The following RPS15A variants were observed in gnomAD, a reference collection of about 807,000 sequenced individuals.
The protein encoded by RPS15A is small ribosomal subunit protein uS8.
For synonymous variants in RPS15A, 55 were observed against 58.5 expected, an observed-to-expected ratio of 0.94 and a Z score of 0.27; for missense variants, 62 against 163.4, an observed-to-expected ratio of 0.38 and a Z score of 3.38.
chr16:18,784,635 C>T (rs1180199998), intron 4 of RPS15A, 103 bp downstream of exon 4: 1 of 832,632 alleles, frequency 1.2e-6, no homozygotes, highest in Non-Finnish European at 1.9e-6. Flanking sequence ...CAAATTACCA[C>T]TGCTTTGTTT....
At chr16:18,785,130 T>C (rs1036295839) in intron 3 of RPS15A, 9 of 255,082 alleles carry the variant, frequency 3.5e-5, no homozygotes, top group Non-Finnish European at 5.9e-5. Flanking sequence ...AGATTTTACA[T>C]AGCCTAGAGA....
At position 18,782,243 on chromosome 16, in the gene RPS15A, C is replaced by T. The variant is rs1343608153; in HGVS notation, c.*766G>A. 1 of 114,468 alleles carries T rather than the reference C, an allele frequency of 8.7e-6. No homozygotes were observed. Among genetic ancestry groups the T allele is most frequent in the Non-Finnish European group, 1.8e-5 (1 of 54,980 alleles). 7.1% of individuals were successfully genotyped at this position (114,468 alleles called of 1,614,324 possible). A position where few individuals can be genotyped will look rare whatever the true frequency, so the allele number is the denominator to read the frequency against. On this transcript the variant is annotated 3_prime_UTR_variant, in exon 5 of 5. Coordinates refer to ENST00000322989, the MANE Select transcript of RPS15A (RefSeq NM_001019.5). ...ATCTGGGAAGCGGAGGTGCAGTGAG[C>T]CAAGATCATGCCACTGCACTCCAGC...
rs2029961096 is a variant in RPS15A at position 18,789,054 on chromosome 16, T to C, written c.60A>G (p.Arg20=). 1 of 1,614,148 alleles carries C rather than the reference T, an allele frequency of 6.2e-7. No individual in the cohort carries two copies. Among genetic ancestry groups the C allele is most frequent in the African/African-American group, 1.3e-5 (1 of 75,054 alleles). ...GCCTAATAAGCACCTGGCGTTTGCCTCTCTTTTCGGCATTGTTGATACTCT... is the reference window on the plus strand; with the variant it reads ...GCCTAATAAGCACCTGGCGTTTGCCCCTCTTTTCGGCATTGTTGATACTCT... ...ALKSINNAEK[R]GKRQVLIRPC... Residue 20 remains arginine (R), a synonymous_variant, in exon 2 of 5, where the codon AGA becomes AGG. Transcript: ENST00000322989.
chr16:18,786,138 G>A (rs1383436636), intron 3 of RPS15A: 3 of 160,232 alleles, frequency 1.9e-5, no homozygotes, highest in Non-Finnish European at 1.4e-5. Flanking sequence ...GCCAGGCGCG[G>A]TGGATCACCT....
At chr16:18,783,850 T>C (rs1002044306) in intron 4 of RPS15A, 3 of 381,922 alleles carry the variant, frequency 7.9e-6, no homozygotes, top group African/African-American at 4.2e-5. Context: ...CAAGATCTCA[T>C]GGCTTTAAAG....
chr16:18,788,041 T>C, intron 3 of RPS15A, 22 bp downstream of exon 3: 3 of 1,487,824 alleles, frequency 2.0e-6, no homozygotes, highest in Admixed American at 3.3e-5. Flanking sequence ...AGCTTTGAAA[T>C]GTGTAGATCA....
At chr16:18,788,009 C>T (rs374234575) in intron 3 of RPS15A, 54 bp downstream of exon 3, 15 of 1,068,286 alleles carry the variant, frequency 1.4e-5, no homozygotes, top group African/African-American at 1.1e-4. Flanking sequence ...CAACATTTAA[C>T]GCCACAGTAA....
At chr16:18,784,705 T>C in intron 4 of RPS15A, 33 bp downstream of exon 4, 5 of 1,504,762 alleles carry the variant, frequency 3.3e-6, no homozygotes, top group South Asian at 1.2e-5. Flanking sequence ...TTCTTAGCAT[T>C]AACTTCTTTT....
intron 3 of RPS15A, chr16:18,785,720 T>G (rs1284429320): frequency 6.6e-6 from 1 of 152,210 alleles, no homozygotes; most frequent in Non-Finnish European, 1.5e-5. Flanking sequence ...ATGCTGTGAC[T>G]TGACTAACAA....
intron 3 of RPS15A, chr16:18,785,534 C>T (rs1389682466): frequency 1.3e-5 from 2 of 152,216 alleles, no homozygotes; most frequent in African/African-American, 2.4e-5. Context: ...TAACTGATGT[C>T]CACTAACTGA....
At chr16:18,789,492 A>G (rs1314616636) in intron 1 of RPS15A, among the ~76,000 whole-genome samples, 1 of 152,276 alleles carries the variant, frequency 6.6e-6, no homozygotes, top group Non-Finnish European at 1.5e-5. Flanking sequence ...GGTATAGTCG[A>G]TCAGTGATTC....
intron 1 of RPS15A, among the ~76,000 whole-genome samples, chr16:18,789,467 G>A (rs943315787): frequency 6.6e-6 from 1 of 152,210 alleles, no homozygotes; most frequent in East Asian, 1.9e-4. Context: ...GCCAGCTACC[G>A]GAAGGAAAAC....
chr16:18,788,222 T>G, intron 2 of RPS15A, 80 bp from the exon 3 acceptor site: 1 of 886,560 alleles, frequency 1.1e-6, no homozygotes, highest in Non-Finnish European at 1.9e-6. Context: ...TACTCAATTC[T>G]TCACTCTCCC....
chr16:18,787,330 C>A (rs1288745678), intron 3 of RPS15A, among the ~76,000 whole-genome samples: 2 of 152,202 alleles, frequency 1.3e-5, no homozygotes, highest in Non-Finnish European at 2.9e-5. Context: ...CCCTCTTTTC[C>A]ATTTATCACT....
Position 18,789,106 on chromosome 16 carries a change from C to T in RPS15A, c.8G>A (p.Arg3His). The T allele has an allele frequency of 6.2e-7, 1 of 1,612,770 alleles. No individual in the cohort carries two copies. The highest frequency in any genetic ancestry group is 8.5e-7 in the Non-Finnish European group (1 of 1,179,508). The change falls in exon 2 of 5, where the codon CGC becomes CAC. Residue 3 changes from arginine (R) to histidine (H), a missense_variant. By Grantham distance (29) the Arg-to-His change is conservative (BLOSUM62 0). Coordinates refer to ENST00000322989, the MANE Select transcript of RPS15A (RefSeq NM_001019.5). ...GAGAGCATCTGCCAGGACATTCATGCGCACCATTGTGGCTGTTCAAGGAAG... is the reference window on the plus strand; with the variant it reads ...GAGAGCATCTGCCAGGACATTCATGTGCACCATTGTGGCTGTTCAAGGAAG... Reference protein sequence around the residue: MVRMNVLADALKS... With the variant: MVHMNVLADALKS...
Position 18,788,057 on chromosome 16 carries a change from T to C in RPS15A, c.213+6A>G. 6.5e-7 allele frequency: 1 copy of C among 1,534,526 alleles called. No individual in the cohort carries two copies. The highest frequency in any genetic ancestry group is 8.9e-7 in the Non-Finnish European group (1 of 1,127,326). ...GCTTTGAAATGTGTAGATCACTCGTTCTTACCTTGTTTAGCCTGCCTGTGA... is the reference window on the plus strand; with the variant it reads ...GCTTTGAAATGTGTAGATCACTCGTCCTTACCTTGTTTAGCCTGCCTGTGA... On this transcript the variant is annotated splice_donor_region_variant and intron_variant, in intron 3 of 4. Transcript: ENST00000322989.
At chr16:18,783,202 T>C in intron 4 of RPS15A, 100 bp from the exon 5 acceptor site, 1 of 735,180 alleles carries the variant, frequency 1.4e-6, no homozygotes, top group South Asian at 1.6e-5. Flanking sequence ...TAAGGGCGCT[T>C]TCCTGTGGGG....
intron 4 of RPS15A, 96 bp from the exon 5 acceptor site, chr16:18,783,198 C>T (rs747795762): frequency 2.8e-5 from 22 of 783,280 alleles, no homozygotes; most frequent in Admixed American, 1.6e-4. Flanking sequence ...TGGTTAAGGG[C>T]GCTTTCCTGT....
In RPS15A at chr16:18,783,205, C is replaced by G. The variant is rs2059213287; in HGVS notation, c.300-103G>C. The stretch of plus-strand genomic sequence containing the variant: ...CTCATCAGTGGTTAAGGGCGCTTTC[C>G]TGTGGGGCACATAGGAACTGACAGT... On this transcript the variant is annotated intron_variant, in intron 4 of 4. Transcript: ENST00000322989. 45 of 714,406 alleles carry G rather than the reference C, an allele frequency of 6.3e-5. No homozygotes were observed. In the South Asian group the frequency reaches 7.4e-4, roughly 12 times the overall value. 44.3% of individuals were successfully genotyped at this position (714,406 alleles called of 1,614,324 possible). A position where few individuals can be genotyped will look rare whatever the true frequency, so the allele number is the denominator to read the frequency against.
Sources: gnomAD v4.1 joint callset for allele counts (sites outside exome capture counted in the v4.1 genomes callset) on GRCh38, gnomAD v4.1.1 for gene constraint, MANE v1.5 for transcripts, NCBI Gene and HGNC (gene_info 2026-07-23, HGNC 2026-07-21) for gene names.